Variants in CNKSR2 observed in about 807,000 individuals in gnomAD.
CNKSR2 encodes the protein CNK homolog protein 2.
CNKSR2 carries 14 observed loss-of-function variants against 84.4 expected under a neutral mutation model. That is an observed-to-expected ratio of 0.17 (90% CI 0.11 to 0.26). The LOEUF is 0.26. Ranked by LOEUF, CNKSR2 falls within the 10% of genes least tolerant of loss-of-function variation. The pLI, the probability that CNKSR2 is intolerant of heterozygous loss-of-function variation, is 1.00. For synonymous variants in CNKSR2, 275 were observed against 277.9 expected, an observed-to-expected ratio of 0.99 and a Z score of 0.10; for missense variants, 485 against 771.2, an observed-to-expected ratio of 0.63 and a Z score of 4.40.
At chrX:21,513,608 G>C (rs2091697561) in intron 8 of CNKSR2, among the ~76,000 whole-genome samples, 1 of 111,744 alleles carries the variant, frequency 8.9e-6, no homozygotes, top group Admixed American at 9.5e-5. Flanking sequence ...GGCCAAGATG[G>C]GGAAATTGCT....
intron 1 of CNKSR2, among the ~76,000 whole-genome samples, chrX:21,392,644 T>G (rs980793399): frequency 2.7e-5 from 3 of 111,572 alleles, no homozygotes; most frequent in African/African-American, 9.8e-5. Flanking sequence ...GGATTACAGT[T>G]CAACATGAGA....
At chrX:21,567,331 A>G (rs2092247496) in intron 13 of CNKSR2, among the ~76,000 whole-genome samples, 1 of 112,215 alleles carries the variant, frequency 8.9e-6, no homozygotes, top group Admixed American at 9.5e-5. Flanking sequence ...CATTTTGTTC[A>G]GTACTGTATT....
intron 6 of CNKSR2, chrX:21,494,828 C>G (rs1404983609): frequency 8.9e-6 from 1 of 111,803 alleles, no homozygotes; most frequent in Non-Finnish European, 1.9e-5. Flanking sequence ...GGGAAATTTC[C>G]TAGCTGTGCT....
intron 8 of CNKSR2, among the ~76,000 whole-genome samples, chrX:21,509,080 CT>C (rs2147081357): frequency 8.9e-6 from 1 of 111,823 alleles, no homozygotes; most frequent in East Asian, 2.8e-4. Flanking sequence ...TTAGTGCTTT[CT>C]TTTTAAATAC....
At chrX:21,542,304 C>G (rs956313667) in intron 11 of CNKSR2, among the ~76,000 whole-genome samples, 2 of 112,080 alleles carry the variant, frequency 1.8e-5, no homozygotes, top group African/African-American at 6.5e-5. Context: ...CTAATTATTC[C>G]AGTGTGACCT....
intron 5 of CNKSR2, among the ~76,000 whole-genome samples, chrX:21,481,979 G>A (rs944053393): frequency 8.9e-6 from 1 of 111,754 alleles, no homozygotes; most frequent in African/African-American, 3.3e-5. Context: ...TCTGCCTTGT[G>A]AGACCGGGGA....
chrX:21,556,889 G>A (rs1432846511), intron 11 of CNKSR2, among the ~76,000 whole-genome samples: 1 of 110,455 alleles, frequency 9.1e-6, no homozygotes, highest in East Asian at 2.8e-4. Context: ...ATTACAGCAT[G>A]TTTATATGCT....
At chrX:21,451,221 TGGGGTTCC>T (rs1170534152) in intron 4 of CNKSR2, among the ~76,000 whole-genome samples, 1 of 111,679 alleles carries the variant, frequency 9.0e-6, no homozygotes, top group Non-Finnish European at 1.9e-5. Context: ...AAGTTGAATA[TGGGGTTCC>T]TTCTCTGAAA....
chrX:21,614,218 G>A (rs2092565916), intron 20 of CNKSR2, among the ~76,000 whole-genome samples: 3 of 110,815 alleles, frequency 2.7e-5, no homozygotes, highest in Non-Finnish European at 5.7e-5. Context: ...TTTTCTAAAG[G>A]TCATGAATTC....
intron 4 of CNKSR2, among the ~76,000 whole-genome samples, chrX:21,442,821 A>C (rs2147089014): frequency 8.9e-6 from 1 of 111,848 alleles, no homozygotes; most frequent in Admixed American, 9.6e-5. Flanking sequence ...GTGCAGCTAT[A>C]AAAAAGAATG....
intron 5 of CNKSR2, among the ~76,000 whole-genome samples, chrX:21,487,389 T>A (rs1325201096): frequency 1.8e-5 from 2 of 112,044 alleles, no homozygotes; most frequent in African/African-American, 6.5e-5. Flanking sequence ...ATATGAGGCC[T>A]TGAATGTTGT....
At chrX:21,554,654 A>T (rs2092122251) in intron 11 of CNKSR2, among the ~76,000 whole-genome samples, 1 of 111,460 alleles carries the variant, frequency 9.0e-6, no homozygotes, top group Admixed American at 9.5e-5. Flanking sequence ...CCCTGCAAAC[A>T]ACATGATCTT....
intron 1 of CNKSR2, among the ~76,000 whole-genome samples, chrX:21,415,503 T>C (rs2090403814): frequency 9.2e-6 from 1 of 108,173 alleles, no homozygotes; most frequent in Non-Finnish European, 1.9e-5. Flanking sequence ...TAAGAATAAT[T>C]TGACTTCTCA....
intron 20 of CNKSR2, among the ~76,000 whole-genome samples, chrX:21,628,308 C>T (rs1442025962): frequency 9.0e-6 from 1 of 111,424 alleles, no homozygotes; most frequent in African/African-American, 3.3e-5. Context: ...GCAGCTTTTC[C>T]AGGCTCACTG....
intron 4 of CNKSR2, among the ~76,000 whole-genome samples, chrX:21,456,515 C>T (rs534889793): frequency 1.8e-5 from 2 of 111,714 alleles, no homozygotes; most frequent in South Asian, 7.5e-4. Context: ...CCTCTTGGTT[C>T]ATCCATGTTG....
At chrX:21,394,245 G>T (rs1034883462) in intron 1 of CNKSR2, among the ~76,000 whole-genome samples, 13 of 111,732 alleles carry the variant, frequency 1.2e-4, no homozygotes, top group Non-Finnish European at 2.3e-4. Flanking sequence ...TAATGGAAAA[G>T]AATTTTTTAA....
chrX:21,641,466 A>G, intron 20 of CNKSR2: 1 of 1,128,389 alleles, frequency 8.9e-7, no homozygotes, highest in Non-Finnish European at 1.2e-6. Context: ...ACAAATACTA[A>G]TATGCTTTGG....
intron 20 of CNKSR2, 94 bp from the exon 21 acceptor site, chrX:21,648,737 C>A: frequency 1.4e-6 from 1 of 722,042 alleles, no homozygotes; most frequent in Non-Finnish European, 1.9e-6. Context: ...TTCCATGTGT[C>A]AAATAACTAT....
intron 13 of CNKSR2, among the ~76,000 whole-genome samples, chrX:21,566,020 C>T (rs2092234745): frequency 8.9e-6 from 1 of 111,783 alleles, no homozygotes; most frequent in South Asian, 3.7e-4. Flanking sequence ...GGGGTCTTTC[C>T]GCACTCTATC....
Sources: allele counts gnomAD v4.1 joint callset (sites outside exome capture counted in the v4.1 genomes callset), GRCh38; gene constraint gnomAD v4.1.1; transcripts MANE v1.5; gene names NCBI Gene and HGNC (gene_info 2026-07-23, HGNC 2026-07-21).